RBFOX1: variants seen among roughly 807,000 people sequenced by gnomAD.
RBFOX1 encodes RNA binding fox-1 homolog 1.
In RBFOX1, 8 loss-of-function variants were observed where a neutral mutation model predicts 57.7. The ratio of observed to expected loss-of-function variants is 0.14; its 90% CI spans 0.08 to 0.25. The LOEUF (loss-of-function observed/expected upper bound fraction) is 0.25. Among genes scored for constraint, RBFOX1 ranks in the 10% least tolerant of loss-of-function variants. The pLI is 1.00. For synonymous variants in RBFOX1, 326 were observed against 222.4 expected, an observed-to-expected ratio of 1.47 and a Z score of -4.15; for missense variants, 611 against 548.5, an observed-to-expected ratio of 1.11 and a Z score of -1.14.
intron 4 of RBFOX1, among the ~76,000 whole-genome samples, chr16:7,378,668 A>T (rs750710317): frequency 1.3e-5 from 2 of 152,070 alleles, no homozygotes; most frequent in African/African-American, 4.8e-5. Context: ...TGACCTCCCA[A>T]TGTAGGCTTT....
chr16:6,652,301 A>G (rs749930892), intron 2 of RBFOX1, among the ~76,000 whole-genome samples: 1 of 152,078 alleles, frequency 6.6e-6, no homozygotes, highest in African/African-American at 2.4e-5. Context: ...ATACAAAATT[A>G]GTTGGGGGTT....
At chr16:6,430,906 G>A (rs1319427252) in intron 2 of RBFOX1, among the ~76,000 whole-genome samples, 1 of 151,194 alleles carries the variant, frequency 6.6e-6, no homozygotes, top group Non-Finnish European at 1.5e-5. Context: ...TGAGATAGGA[G>A]GGTTTATTGA....
chr16:6,247,009 G>A (rs577169672), intron 1 of RBFOX1, among the ~76,000 whole-genome samples: 1 of 152,300 alleles, frequency 6.6e-6, no homozygotes, highest in Non-Finnish European at 1.5e-5. Flanking sequence ...AGTAGAGGTT[G>A]TGGTGAGTCG....
chr16:5,684,855 A>T (rs1266179770), intron 3 of RBFOX1, among the ~76,000 whole-genome samples: 1 of 152,098 alleles, frequency 6.6e-6, no homozygotes, highest in Admixed American at 6.6e-5. Context: ...TATGATGTGA[A>T]TGGGTATTTA....
intron 4 of RBFOX1, among the ~76,000 whole-genome samples, chr16:5,976,355 C>G (rs1456026262): frequency 6.6e-6 from 1 of 152,094 alleles, no homozygotes; most frequent in Non-Finnish European, 1.5e-5. Flanking sequence ...AGGACTTAGT[C>G]TCTAAAATGT....
chr16:6,480,050 G>GAA (rs78928257), intron 2 of RBFOX1, among the ~76,000 whole-genome samples: 1,197 of 119,672 alleles, frequency 0.01, 32 homozygotes, highest in African/African-American at 0.031. Flanking sequence ...ACTCCACCTC[G>GAA]AAAAAAAAAA....
chr16:6,648,510 G>C (rs1267424683), intron 2 of RBFOX1, among the ~76,000 whole-genome samples: 1 of 152,138 alleles, frequency 6.6e-6, no homozygotes, highest in Non-Finnish European at 1.5e-5. Flanking sequence ...AGTGCCGTGA[G>C]TCTAATGCCA....
intron 2 of RBFOX1, among the ~76,000 whole-genome samples, chr16:5,592,166 T>G (rs904941257): frequency 7.0e-6 from 1 of 141,984 alleles, no homozygotes; most frequent in African/African-American, 2.8e-5. Flanking sequence ...TTTCCTTTGC[T>G]TGTTTTTTTC....
chr16:7,001,360 G>GTGTTTA (rs2092772443), intron 3 of RBFOX1, among the ~76,000 whole-genome samples: 1 of 143,476 alleles, frequency 7.0e-6, no homozygotes, highest in East Asian at 2.0e-4. Context: ...GTGTGTGTTT[G>GTGTTTA]TGTGTATGTG....
chr16:6,496,433 G>T (rs1404662571), intron 2 of RBFOX1, among the ~76,000 whole-genome samples: 1 of 152,178 alleles, frequency 6.6e-6, no homozygotes, highest in Admixed American at 6.5e-5. Flanking sequence ...TAAACAGCTA[G>T]AACTGTTTCT....
chr16:6,670,138 C>G (rs2098755080), intron 3 of RBFOX1, among the ~76,000 whole-genome samples: 2 of 152,080 alleles, frequency 1.3e-5, no homozygotes. Flanking sequence ...TATATAGTAC[C>G]AAGTGGGCAT....
intron 4 of RBFOX1, among the ~76,000 whole-genome samples, chr16:6,005,198 C>T (rs1157840465): frequency 1.3e-5 from 2 of 152,142 alleles, no homozygotes; most frequent in East Asian, 3.9e-4. Flanking sequence ...ATATTTCGTT[C>T]AAATGTATTC....
intron 4 of RBFOX1, among the ~76,000 whole-genome samples, chr16:7,470,254 C>A (rs1405466568): frequency 6.6e-6 from 1 of 152,208 alleles, no homozygotes; most frequent in East Asian, 1.9e-4. Context: ...GTCTGCCTCT[C>A]ACACTAGACT....
chr16:7,686,314 G>C (rs1302404957), intron 14 of RBFOX1, among the ~76,000 whole-genome samples: 2 of 151,974 alleles, frequency 1.3e-5, no homozygotes, highest in Non-Finnish European at 2.9e-5. Flanking sequence ...ACATAGGTTG[G>C]GGAATAGAAA....
At chr16:5,684,617 C>T (rs991288468) in intron 3 of RBFOX1, among the ~76,000 whole-genome samples, 6 of 152,252 alleles carry the variant, frequency 3.9e-5, no homozygotes, top group African/African-American at 1.4e-4. Flanking sequence ...AATAAAGTAA[C>T]TTCTTGATGC....
chr16:7,293,757 T>A (rs1445876787), intron 4 of RBFOX1, among the ~76,000 whole-genome samples: 2 of 152,140 alleles, frequency 1.3e-5, no homozygotes, highest in Non-Finnish European at 2.9e-5. Context: ...CTTGTAAGTT[T>A]TGCAGATAAA....
chr16:5,991,916 C>A (rs1295475754), intron 4 of RBFOX1, among the ~76,000 whole-genome samples: 1 of 152,106 alleles, frequency 6.6e-6, no homozygotes, highest in African/African-American at 2.4e-5. Flanking sequence ...CCATTCTTAC[C>A]ATCACAGTTT....
chr16:7,112,158 G>T (rs1015314047), intron 4 of RBFOX1, among the ~76,000 whole-genome samples: 2 of 152,138 alleles, frequency 1.3e-5, no homozygotes, highest in Non-Finnish European at 2.9e-5. Flanking sequence ...AGAAAATTCA[G>T]AATCATACAA....
At chr16:6,863,290 A>C (rs1260178094) in intron 3 of RBFOX1, among the ~76,000 whole-genome samples, 1 of 152,136 alleles carries the variant, frequency 6.6e-6, no homozygotes, top group Non-Finnish European at 1.5e-5. Context: ...AGACTGGGAA[A>C]AGTGATTAGC....
Sources: allele counts gnomAD v4.1 joint callset (sites outside exome capture counted in the v4.1 genomes callset), GRCh38; gene constraint gnomAD v4.1.1; transcripts MANE v1.5; gene names NCBI Gene and HGNC (gene_info 2026-07-23, HGNC 2026-07-21).